Variants in CCDC192 observed in about 807,000 individuals in gnomAD.
The protein encoded by CCDC192 is coiled-coil domain-containing protein 192.
chr5:127,756,897 C>T (rs1754631033), intron 3 of CCDC192, among the ~76,000 whole-genome samples: 1 of 152,182 alleles, frequency 6.6e-6, no homozygotes, highest in African/African-American at 2.4e-5. Context: ...TCATAATTTC[C>T]TCAGTTATAA....
chr5:127,738,133 C>CA (rs1753142479), intron 2 of CCDC192, among the ~76,000 whole-genome samples: 1 of 151,664 alleles, frequency 6.6e-6, no homozygotes. Flanking sequence ...CTGGTGGTGA[C>CA]AAAATCTCTC....
At chr5:127,756,298 G>A (rs1016372920) in intron 3 of CCDC192, among the ~76,000 whole-genome samples, 2 of 152,168 alleles carry the variant, frequency 1.3e-5, no homozygotes, top group Non-Finnish European at 2.9e-5. Flanking sequence ...TCACAGAGCC[G>A]CAGAGCCGGC....
chr5:127,863,747 G>A (rs1751473658), intron 5 of CCDC192, among the ~76,000 whole-genome samples: 1 of 152,104 alleles, frequency 6.6e-6, no homozygotes, highest in Admixed American at 6.6e-5. Flanking sequence ...AAAAGTCTTC[G>A]AGTTGAAAAG....
intron 5 of CCDC192, among the ~76,000 whole-genome samples, chr5:127,843,813 G>T (rs1026359844): frequency 2.0e-5 from 3 of 152,158 alleles, no homozygotes; most frequent in Admixed American, 6.5e-5. Context: ...AGGTTTTCAT[G>T]TAGGCGATTT....
intron 6 of CCDC192, among the ~76,000 whole-genome samples, chr5:127,879,866 T>G (rs1238198167): frequency 5.5e-5 from 8 of 145,844 alleles, no homozygotes; most frequent in Non-Finnish European, 1.1e-4. Flanking sequence ...ATCAGAGAAA[T>G]GCAAATCAAA....
intron 5 of CCDC192, among the ~76,000 whole-genome samples, chr5:127,806,969 A>C (rs1757822458): frequency 1.3e-5 from 2 of 152,144 alleles, no homozygotes; most frequent in Admixed American, 1.3e-4. Context: ...AGCATTGGGG[A>C]GTGAGACACT....
intron 5 of CCDC192, among the ~76,000 whole-genome samples, chr5:127,840,693 C>A (rs1422560229): frequency 6.6e-6 from 1 of 151,974 alleles, no homozygotes; most frequent in Non-Finnish European, 1.5e-5. Flanking sequence ...TGAAAAAGAC[C>A]TATTACGACT....
intron 6 of CCDC192, among the ~76,000 whole-genome samples, chr5:127,909,000 T>A (rs1019993933): frequency 1.3e-5 from 2 of 152,200 alleles, no homozygotes; most frequent in African/African-American, 2.4e-5. Context: ...TTATAGTGTA[T>A]ATCAAGAACT....
At chr5:127,767,386 T>C (rs1755289208) in intron 3 of CCDC192, among the ~76,000 whole-genome samples, 1 of 152,200 alleles carries the variant, frequency 6.6e-6, no homozygotes, top group South Asian at 2.1e-4. Context: ...GGACTTAACG[T>C]TGAAATAAGA....
chr5:127,831,966 G>A (rs1024299663), intron 5 of CCDC192, among the ~76,000 whole-genome samples: 2 of 151,588 alleles, frequency 1.3e-5, no homozygotes, highest in Non-Finnish European at 1.5e-5. Context: ...GATAAAAATA[G>A]CATAGTAAAT....
At chr5:127,775,422 A>G (rs1319073647) in intron 3 of CCDC192, among the ~76,000 whole-genome samples, 2 of 152,104 alleles carry the variant, frequency 1.3e-5, no homozygotes, top group Admixed American at 6.6e-5. Context: ...GGAAACCACA[A>G]CAAGGGCTCT....
intron 5 of CCDC192, among the ~76,000 whole-genome samples, chr5:127,840,730 G>T (rs1158075482): frequency 6.6e-6 from 1 of 152,054 alleles, no homozygotes; most frequent in Non-Finnish European, 1.5e-5. Flanking sequence ...TCATTATCTA[G>T]GTTTAAGAGC....
chr5:127,735,243 T>G (rs1230293773), intron 2 of CCDC192, among the ~76,000 whole-genome samples: 1 of 101,278 alleles, frequency 9.9e-6, no homozygotes, highest in South Asian at 3.9e-4. Flanking sequence ...GTTGTAGATA[T>G]GCGGCGTTAT....
intron 5 of CCDC192, among the ~76,000 whole-genome samples, chr5:127,812,529 A>G (rs752033139): frequency 3.3e-5 from 5 of 152,146 alleles, no homozygotes; most frequent in Non-Finnish European, 7.4e-5. Context: ...ACATTTATCT[A>G]AGTGTTTAAA....
chr5:127,807,309 A>T (rs1757843914), intron 5 of CCDC192, among the ~76,000 whole-genome samples: 1 of 152,174 alleles, frequency 6.6e-6, no homozygotes, highest in African/African-American at 2.4e-5. Context: ...AATACTAGGA[A>T]GTTTATTAAT....
At chr5:127,759,438 C>A (rs1754790706) in intron 3 of CCDC192, among the ~76,000 whole-genome samples, 1 of 152,136 alleles carries the variant, frequency 6.6e-6, no homozygotes, top group Non-Finnish European at 1.5e-5. Flanking sequence ...CCCCTTCCAC[C>A]ATGTGAGGAC....
intron 5 of CCDC192, among the ~76,000 whole-genome samples, chr5:127,799,946 T>G (rs139443639): frequency 0.016 from 2,404 of 152,264 alleles, 30 homozygotes; most frequent in African/African-American, 0.036. Context: ...GGATTATGTA[T>G]TTTCTATGTG....
chr5:127,864,947 G>T (rs557301676), intron 5 of CCDC192, among the ~76,000 whole-genome samples: 1 of 151,964 alleles, frequency 6.6e-6, no homozygotes, highest in South Asian at 2.1e-4. Context: ...GGAGATTGAG[G>T]CCATCCTGGC....
intron 6 of CCDC192, among the ~76,000 whole-genome samples, chr5:127,939,327 G>A (rs1242766740): frequency 6.6e-6 from 1 of 151,842 alleles, no homozygotes. Context: ...CATTTGGCCA[G>A]GCTGGTCTTA....
Sources: allele counts gnomAD v4.1 joint callset (sites outside exome capture counted in the v4.1 genomes callset), GRCh38; gene constraint gnomAD v4.1.1; transcripts MANE v1.5; gene names NCBI Gene and HGNC (gene_info 2026-07-23, HGNC 2026-07-21).